The following RAB3C variants were observed in gnomAD, a reference collection of about 807,000 sequenced individuals.
The protein encoded by RAB3C is RAB3C, member RAS oncogene family.
A neutral mutation model predicts 26.4 loss-of-function variants in RAB3C; 17 were observed. The observed-to-expected ratio is 0.64, with a 90% confidence interval of 0.44 to 0.97. The LOEUF (loss-of-function observed/expected upper bound fraction) is 0.97, where lower values mean the gene tolerates loss of function less well. Among genes scored for constraint, RAB3C ranks in the 50% least tolerant of loss-of-function variants. RAB3C has a pLI of 0.00. For synonymous variants in RAB3C, 91 were observed against 95.9 expected, an observed-to-expected ratio of 0.95 and a Z score of 0.30; for missense variants, 242 against 281.9, an observed-to-expected ratio of 0.86 and a Z score of 1.01.
At chr5:58,777,752 C>A (rs184169112) in intron 3 of RAB3C, among the ~76,000 whole-genome samples, 11 of 149,784 alleles carry the variant, frequency 7.3e-5, no homozygotes, top group Admixed American at 2.0e-4. Flanking sequence ...CCCCTCCCCC[C>A]ACCCCATGAC....
chr5:58,686,038 A>G (rs1748438374), intron 2 of RAB3C, among the ~76,000 whole-genome samples: 2 of 152,190 alleles, frequency 1.3e-5, no homozygotes, highest in Admixed American at 1.3e-4. Context: ...CCTGTGGGTG[A>G]AATGTGAATT....
intron 2 of RAB3C, among the ~76,000 whole-genome samples, chr5:58,708,795 A>C (rs1749002400): frequency 6.6e-6 from 1 of 152,196 alleles, no homozygotes; most frequent in South Asian, 2.1e-4. Flanking sequence ...TTGTTTGGCA[A>C]ATGATTTAGG....
intron 2 of RAB3C, among the ~76,000 whole-genome samples, chr5:58,640,652 C>A (rs1439334375): frequency 6.6e-6 from 1 of 152,106 alleles, no homozygotes; most frequent in African/African-American, 2.4e-5. Context: ...ACTGAAATAT[C>A]TGACCCTAAA....
At chr5:58,714,587 T>G (rs1309139569) in intron 2 of RAB3C, among the ~76,000 whole-genome samples, 1 of 152,052 alleles carries the variant, frequency 6.6e-6, no homozygotes, top group East Asian at 1.9e-4. Context: ...AGTGTCTGAC[T>G]TAGGGAGTAA....
intron 1 of RAB3C, among the ~76,000 whole-genome samples, chr5:58,610,993 G>A (rs1038878256): frequency 2.6e-5 from 4 of 152,040 alleles, no homozygotes; most frequent in African/African-American, 7.2e-5. Flanking sequence ...ACTCGTAAGT[G>A]AGAACATGAA....
At chr5:58,677,784 C>A (rs972546842) in intron 2 of RAB3C, among the ~76,000 whole-genome samples, 1 of 152,186 alleles carries the variant, frequency 6.6e-6, no homozygotes, top group Non-Finnish European at 1.5e-5. Context: ...TTGACAAAGC[C>A]TATAGCTGCA....
intron 1 of RAB3C, among the ~76,000 whole-genome samples, chr5:58,611,464 C>T (rs1746699134): frequency 6.6e-6 from 1 of 152,074 alleles, no homozygotes; most frequent in Non-Finnish European, 1.5e-5. Context: ...TTTTGATTTG[C>T]ATTTCTGTAA....
chr5:58,592,165 C>G (rs1010324400), intron 1 of RAB3C, among the ~76,000 whole-genome samples: 2 of 152,150 alleles, frequency 1.3e-5, no homozygotes, highest in Non-Finnish European at 2.9e-5. Context: ...TCCTAAAGTG[C>G]TGGGATTACA....
intron 2 of RAB3C, among the ~76,000 whole-genome samples, chr5:58,664,747 T>C (rs931638530): frequency 2.0e-5 from 3 of 152,088 alleles, no homozygotes; most frequent in Non-Finnish European, 4.4e-5. Context: ...CATGTTGCTC[T>C]CCTGCAAACC....
chr5:58,623,022 A>G (rs1218253577), intron 2 of RAB3C, among the ~76,000 whole-genome samples: 2 of 152,246 alleles, frequency 1.3e-5, no homozygotes, highest in Non-Finnish European at 2.9e-5. Context: ...GTAGTTTCTT[A>G]TGACCTGTCC....
intron 3 of RAB3C, among the ~76,000 whole-genome samples, chr5:58,786,025 T>A (rs1413744050): frequency 1.3e-5 from 2 of 152,218 alleles, no homozygotes; most frequent in Non-Finnish European, 2.9e-5. Flanking sequence ...AACTTGGCCC[T>A]GCTAAGGACA....
At chr5:58,710,782 C>T (rs142628335) in intron 2 of RAB3C, among the ~76,000 whole-genome samples, 504 of 152,188 alleles carry the variant, frequency 3.3e-3, no homozygotes, top group African/African-American at 0.011. Context: ...GCTATGTGCT[C>T]GCTCTCTCTA....
Position 58,691,343 on chromosome 5 carries a change from C to T in RAB3C, c.253-34659C>T, listed in dbSNP as rs76181254. Reference sequence around the variant, plus strand: ...TCCAAATGGAGAAGAGATTAACAACCGGAGAGTGTTGGAGACGTATAGATG... The same window carrying T: ...TCCAAATGGAGAAGAGATTAACAACTGGAGAGTGTTGGAGACGTATAGATG... On this transcript the variant is annotated intron_variant, in intron 2 of 4. Coordinates refer to ENST00000282878, the MANE Select transcript of RAB3C (RefSeq NM_138453.4). Among the ~76,000 whole-genome samples the T allele has an allele frequency of 3.8e-3, 579 of 152,128 alleles. 3 individuals carry two copies. The highest frequency in any genetic ancestry group is 0.012 in the African/African-American group (492 of 41,498).
intron 3 of RAB3C, among the ~76,000 whole-genome samples, chr5:58,743,157 C>T (rs934233133): frequency 5.9e-5 from 9 of 152,102 alleles, no homozygotes; most frequent in Admixed American, 5.9e-4. Context: ...AATTGACCAT[C>T]TTAAAAATGA....
intron 4 of RAB3C, among the ~76,000 whole-genome samples, chr5:58,825,778 A>G (rs890604359): frequency 6.6e-6 from 1 of 152,210 alleles, no homozygotes; most frequent in African/African-American, 2.4e-5. Flanking sequence ...TTGTATCTAA[A>G]GAGAAAAATG....
intron 2 of RAB3C, among the ~76,000 whole-genome samples, chr5:58,670,482 T>C (rs533579916): frequency 1.3e-5 from 2 of 152,304 alleles, no homozygotes; most frequent in East Asian, 3.9e-4. Flanking sequence ...AATGTGATAA[T>C]ATTCTAAGCT....
chr5:58,780,700 A>G (rs1187632170), intron 3 of RAB3C, among the ~76,000 whole-genome samples: 2 of 152,054 alleles, frequency 1.3e-5, no homozygotes, highest in Non-Finnish European at 2.9e-5. Flanking sequence ...GTCTCCCTAG[A>G]CAGGGTGAGC....
At chr5:58,826,732 C>G (rs1305949137) in intron 4 of RAB3C, among the ~76,000 whole-genome samples, 3 of 152,118 alleles carry the variant, frequency 2.0e-5, no homozygotes, top group Admixed American at 6.5e-5. Flanking sequence ...TGGTCCCAAC[C>G]CACTAAGTTG....
At chr5:58,724,369 G>A (rs77130133) in intron 2 of RAB3C, among the ~76,000 whole-genome samples, 2,970 of 151,796 alleles carry the variant, frequency 0.02, 98 homozygotes, top group African/African-American at 0.067. Flanking sequence ...ATCTGGATCT[G>A]TCTGACTCAA....
Sources: allele counts gnomAD v4.1 joint callset (sites outside exome capture counted in the v4.1 genomes callset), GRCh38; gene constraint gnomAD v4.1.1; transcripts MANE v1.5; gene names NCBI Gene and HGNC (gene_info 2026-07-23, HGNC 2026-07-21).